RASGRP3: variants seen among roughly 807,000 people sequenced by gnomAD.
RASGRP3 encodes ras guanyl-releasing protein 3.
Under a neutral mutation model 82.7 loss-of-function variants are expected in RASGRP3, and 54 were observed. That is an observed-to-expected ratio of 0.65 (90% confidence interval 0.52 to 0.82). The LOEUF (loss-of-function observed/expected upper bound fraction) is 0.82. Ranked by LOEUF, RASGRP3 falls within the 40% of genes least tolerant of loss-of-function variation. The pLI, the probability that RASGRP3 is intolerant of heterozygous loss-of-function variation, is 0.00. For missense variants in RASGRP3, 861 were observed against 828.9 expected (o/e 1.04, Z -0.48); for synonymous variants, 309 against 300.5 (o/e 1.03, Z -0.29).
At chr2:33,535,562 T>C (rs1673527734) in intron 11 of RASGRP3, among the ~76,000 whole-genome samples, 1 of 152,262 alleles carries the variant, frequency 6.6e-6, no homozygotes, top group Non-Finnish European at 1.5e-5. Flanking sequence ...AGAGCCGTCC[T>C]CTGGCCCTGG....
chr2:33,451,241 T>C (rs1665783879), intron 2 of RASGRP3, among the ~76,000 whole-genome samples: 1 of 152,234 alleles, frequency 6.6e-6, no homozygotes, highest in Non-Finnish European at 1.5e-5. Context: ...TTATCCATTT[T>C]AAAATTTGAA....
At position 33,559,010 on chromosome 2, in the gene RASGRP3, G is replaced by C. The variant is rs1279384866; in HGVS notation, c.2044G>C (p.Glu682Gln). 2 of 1,610,766 alleles carry C rather than the reference G, an allele frequency of 1.2e-6. No homozygotes were observed. The highest frequency in any genetic ancestry group is 1.3e-5 in the African/African-American group (1 of 74,764). Residue 682 changes from glutamate to glutamine, a missense_variant, in exon 17 of 18, where the codon GAG becomes CAG. Physicochemically the swap from Glu to Gln is conservative, Grantham distance 29. Coordinates refer to ENST00000403687, the MANE Select transcript of RASGRP3 (RefSeq NM_001139488.2). ...TGAACTTGACCAGGATGAAGGAGAA[G>C]AGACCAGACAGGATGGTGAGGTAAG... ...EFELDQDEGE[E>Q]TRQDGEDG
chr2:33,521,429 C>T (rs150111592), intron 6 of RASGRP3, among the ~76,000 whole-genome samples: 1 of 152,234 alleles, frequency 6.6e-6, no homozygotes, highest in East Asian at 1.9e-4. Context: ...AATACTTCTT[C>T]AATAGTAATC....
chr2:33,459,642 T>TTTTTTTTTTTTTTTTTTTTTG (rs1666249291), intron 2 of RASGRP3, among the ~76,000 whole-genome samples: 1 of 152,004 alleles, frequency 6.6e-6, no homozygotes, highest in African/African-American at 2.4e-5. Context: ...TGGGCATTTT[T>TTTTTTTTTTTTTTTTTTTTTG]AAGGGAGAAT....
chr2:33,540,926 G>A lies in RASGRP3; in HGVS notation c.1278+1716G>A, dbSNP rs1674236772. Among the ~76,000 whole-genome samples, 3 of 145,428 alleles carry A rather than the reference G, an allele frequency of 2.1e-5. 1 individual carries two copies. The South Asian group carries it at 6.6e-4, about 32-fold the overall frequency. On this transcript the variant is annotated intron_variant, in intron 12 of 17. Coordinates refer to ENST00000403687, the MANE Select transcript of RASGRP3 (RefSeq NM_001139488.2). Reference sequence around the variant, plus strand: ...TGTTACCTACAAAAAAGCTTGAGATGGGCTCATTTTAGTCACATTTTTAAT... The same window carrying A: ...TGTTACCTACAAAAAAGCTTGAGATAGGCTCATTTTAGTCACATTTTTAAT...
At chr2:33,491,998 G>A (rs1203736760) in intron 1 of RASGRP3, among the ~76,000 whole-genome samples, 1 of 152,218 alleles carries the variant, frequency 6.6e-6, no homozygotes, top group Admixed American at 6.5e-5. Context: ...AGGATCATAG[G>A]TACTTCTGCA....
chr2:33,440,472 T>C (rs2150871335), intron 1 of RASGRP3, among the ~76,000 whole-genome samples: 1 of 152,352 alleles, frequency 6.6e-6, no homozygotes, highest in South Asian at 2.1e-4. Flanking sequence ...ATACAGAATG[T>C]TGAGCCTCTG....
intron 13 of RASGRP3, among the ~76,000 whole-genome samples, chr2:33,545,559 G>A (rs1056611738): frequency 2.0e-5 from 3 of 152,142 alleles, no homozygotes; most frequent in African/African-American, 7.2e-5. Flanking sequence ...AAATTTGTGG[G>A]ACAATGCATT....
intron 1 of RASGRP3, among the ~76,000 whole-genome samples, chr2:33,500,419 G>A (rs140414304): frequency 3.3e-5 from 5 of 152,056 alleles, no homozygotes; most frequent in Non-Finnish European, 7.3e-5. Context: ...TGGGCCAGGG[G>A]ATACGGGATG....
chr2:33,454,710 G>T (rs1345451442), intron 2 of RASGRP3, among the ~76,000 whole-genome samples: 1 of 152,162 alleles, frequency 6.6e-6, no homozygotes, highest in African/African-American at 2.4e-5. Context: ...TAGGCTGGGG[G>T]ACCCTGGTCT....
intron 10 of RASGRP3, among the ~76,000 whole-genome samples, 156 bp downstream of exon 10, chr2:33,527,568 C>T (rs1201851321): frequency 6.6e-6 from 1 of 152,120 alleles, no homozygotes. Flanking sequence ...GGAAAAGGAG[C>T]CCTGATTAAT....
At chr2:33,487,129 C>T (rs1054061571) in intron 1 of RASGRP3, among the ~76,000 whole-genome samples, 16 of 152,034 alleles carry the variant, frequency 1.1e-4, no homozygotes, top group African/African-American at 2.9e-4. Context: ...TCATTCCATC[C>T]GTAAATATTT....
chr2:33,461,371 C>G (rs1278682341), intron 2 of RASGRP3, among the ~76,000 whole-genome samples: 3 of 152,184 alleles, frequency 2.0e-5, no homozygotes, highest in Non-Finnish European at 4.4e-5. Flanking sequence ...CTCCATCTCC[C>G]GGGTTCAAGT....
At position 33,488,062 on chromosome 2, in the gene RASGRP3, G is replaced by A. The variant is rs370261022; in HGVS notation, c.-261+11355G>A. Among the ~76,000 whole-genome samples, 10 of 152,292 alleles carry A rather than the reference G, an allele frequency of 6.6e-5. No homozygotes were observed. In the East Asian group the frequency reaches 1.3e-3, roughly 21 times the overall value. ...ATTTATTTTCTCAATGGGAAAAGCC[G>A]TGATTCAAGAAAGATTAACACAATT... On this transcript the variant is annotated intron_variant, in intron 1 of 17. Transcript: ENST00000403687.
intron 11 of RASGRP3, 139 bp downstream of exon 11, chr2:33,534,539 T>C: frequency 1.4e-6 from 1 of 706,938 alleles, no homozygotes; most frequent in Non-Finnish European, 2.3e-6. Context: ...TTTTCTTTTT[T>C]CTTTTTTGAG....
chr2:33,481,496 A>C (rs1488326593), intron 1 of RASGRP3: 1 of 152,008 alleles, frequency 6.6e-6, no homozygotes, highest in East Asian at 1.9e-4. Flanking sequence ...ACCAATTTCA[A>C]CTATTTCATG....
rs141486372 is a variant in RASGRP3, at chr2:33,553,662, C to G, written c.1543-1869C>G. 6.9e-3 allele frequency among the ~76,000 whole-genome samples: 1,047 copies of G among 152,296 alleles called. 7 individuals are homozygous for G. The highest frequency in any genetic ancestry group is 0.023 in the African/African-American group (957 of 41,558). ...CCCCTCTCTCTTCCAGCCATCCTTG[C>G]TTCTACTTAGTTGTCAGATAATCCT... is the stretch of plus-strand genomic sequence containing the variant. On this transcript the variant is annotated intron_variant, in intron 14 of 17. Coordinates refer to ENST00000403687, the MANE Select transcript of RASGRP3 (RefSeq NM_001139488.2).
intron 2 of RASGRP3, among the ~76,000 whole-genome samples, chr2:33,466,258 G>C (rs1666688309): frequency 6.6e-6 from 1 of 152,178 alleles, no homozygotes; most frequent in African/African-American, 2.4e-5. Context: ...TTCTGGAAAG[G>C]ATTCACTATT....
chr2:33,557,719 A>G (rs1222011788), intron 15 of RASGRP3, among the ~76,000 whole-genome samples: 3 of 151,894 alleles, frequency 2.0e-5, no homozygotes, highest in Non-Finnish European at 4.4e-5. Context: ...CGAAAAAAAA[A>G]AAAAAAATCC....
Sources: gnomAD v4.1 joint callset for allele counts (sites outside exome capture counted in the v4.1 genomes callset) on GRCh38, gnomAD v4.1.1 for gene constraint, MANE v1.5 for transcripts, NCBI Gene and HGNC (gene_info 2026-07-23, HGNC 2026-07-21) for gene names.